The following TMEM71 variants were observed in gnomAD, a reference collection of about 807,000 sequenced individuals.
The protein encoded by TMEM71 is transmembrane protein 71.
TMEM71 carries 44 observed loss-of-function variants against 38.0 expected under a neutral mutation model. The ratio of observed to expected loss-of-function variants is 1.16; its 90% CI spans 0.91 to 1.49. TMEM71 has a LOEUF of 1.49. Among genes scored for constraint, TMEM71 ranks in the 40% most tolerant of loss-of-function variants. The pLI is 0.00. For synonymous variants in TMEM71, 133 were observed against 122.5 expected (o/e 1.09, Z -0.56); for missense variants, 367 against 348.6 (o/e 1.05, Z -0.42).
At chr8:132,729,247 C>A (rs974068972) in intron 5 of TMEM71, among the ~76,000 whole-genome samples, 5 of 152,184 alleles carry the variant, frequency 3.3e-5, no homozygotes, top group Non-Finnish European at 7.3e-5. Context: ...TAAGCCAAAG[C>A]TTCCTTGGAA....
At chr8:132,716,773 C>CCTCT (rs906219643) in intron 7 of TMEM71, among the ~76,000 whole-genome samples, 25 of 151,734 alleles carry the variant, frequency 1.6e-4, no homozygotes, top group African/African-American at 5.8e-4. Context: ...TATAAATTAT[C>CCTCT]CTCTCTCTCT....
chr8:132,772,385 G>A, the TMEM71 span, among the ~76,000 whole-genome samples: 1 of 152,170 alleles, frequency 6.6e-6, no homozygotes, highest in Non-Finnish European at 1.5e-5. Context: ...ACTGATGGCT[G>A]GGCATCAACC....
chr8:132,751,674 T>G (rs1828716256), intron 4 of TMEM71, 111 bp downstream of exon 4: 1 of 1,030,468 alleles, frequency 9.7e-7, no homozygotes, highest in African/African-American at 1.6e-5. Flanking sequence ...TTCCACAGTC[T>G]GGAGCAATAA....
chr8:132,706,310 A>C (rs934403051), downstream of TMEM71, among the ~76,000 whole-genome samples: 3 of 152,012 alleles, frequency 2.0e-5, no homozygotes, highest in African/African-American at 7.2e-5. Context: ...CCATGGTCTT[A>C]CCCTTCTTGT....
At chr8:132,733,327 A>G (rs2739015) in intron 5 of TMEM71, among the ~76,000 whole-genome samples, 141,131 of 152,268 alleles carry the variant, frequency 0.93, 65,521 homozygotes, top group East Asian at 1. Flanking sequence ...AGGCTAAGAT[A>G]TGTAGTGTTG....
At chr8:132,746,827 A>T in intron 5 of TMEM71, 115 bp downstream of exon 5, 1 of 789,110 alleles carries the variant, frequency 1.3e-6, no homozygotes, top group Non-Finnish European at 1.9e-6. Context: ...AATGTGGCCC[A>T]TCTCTCCATC....
intron 5 of TMEM71, among the ~76,000 whole-genome samples, chr8:132,733,921 A>C (rs567858050): frequency 6.6e-6 from 1 of 152,302 alleles, no homozygotes; most frequent in Non-Finnish European, 1.5e-5. Flanking sequence ...CAAATATTGC[A>C]TGATTCTCCT....
chr8:132,746,444 T>C (rs1185492686), intron 5 of TMEM71, among the ~76,000 whole-genome samples: 7 of 17,002 alleles, frequency 4.1e-4, no homozygotes, highest in African/African-American at 8.6e-4. Context: ...TATATACATA[T>C]ACATATACAT....
chr8:132,719,410 A>T (rs1182151630), intron 7 of TMEM71, among the ~76,000 whole-genome samples: 1 of 152,222 alleles, frequency 6.6e-6, no homozygotes, highest in African/African-American at 2.4e-5. Flanking sequence ...TATTGTGTAA[A>T]GTTACCTTTA....
At chr8:132,717,197 C>G (rs932231317) in intron 7 of TMEM71, among the ~76,000 whole-genome samples, 1 of 151,976 alleles carries the variant, frequency 6.6e-6, no homozygotes, top group Non-Finnish European at 1.5e-5. Flanking sequence ...GAATGTGACA[C>G]CAAAAGCACA....
upstream of TMEM71, among the ~76,000 whole-genome samples, chr8:132,762,809 G>A (rs1829320026): frequency 6.6e-6 from 1 of 152,178 alleles, no homozygotes; most frequent in African/African-American, 2.4e-5. Context: ...ACGTGTGTCA[G>A]CATTTTCTAC....
At chr8:132,733,164 T>C (rs1040746270) in intron 5 of TMEM71, among the ~76,000 whole-genome samples, 23 of 152,196 alleles carry the variant, frequency 1.5e-4, no homozygotes, top group Admixed American at 1.3e-3. Flanking sequence ...GTGTGTGTGT[T>C]TTTTTGTTGT....
At chr8:132,715,657 T>A (rs2131008684) in intron 7 of TMEM71, among the ~76,000 whole-genome samples, 1 of 152,206 alleles carries the variant, frequency 6.6e-6, no homozygotes, top group South Asian at 2.1e-4. Flanking sequence ...TTATTCAAAG[T>A]GGTCAAAAAC....
chr8:132,715,177 C>G (rs894441660), intron 7 of TMEM71, among the ~76,000 whole-genome samples: 2 of 151,628 alleles, frequency 1.3e-5, no homozygotes, highest in Non-Finnish European at 2.9e-5. Flanking sequence ...GAGGCCGAGG[C>G]GGGCGGATCA....
At chr8:132,713,276 G>T (rs1005701311) in intron 9 of TMEM71, among the ~76,000 whole-genome samples, 95 of 151,636 alleles carry the variant, frequency 6.3e-4, no homozygotes, top group Admixed American at 6.0e-3. Context: ...CAGAAATTAT[G>T]GGAAGCATCA....
the TMEM71 span, among the ~76,000 whole-genome samples, chr8:132,766,276 C>A: frequency 6.6e-6 from 1 of 151,868 alleles, no homozygotes; most frequent in Non-Finnish European, 1.5e-5. Flanking sequence ...AATTTCTACC[C>A]ATATTTCCTT....
intron 5 of TMEM71, among the ~76,000 whole-genome samples, chr8:132,733,170 G>A (rs184205574): frequency 6.6e-6 from 1 of 151,914 alleles, no homozygotes; most frequent in Non-Finnish European, 1.5e-5. Flanking sequence ...GTGTTTTTTT[G>A]TTGTTGTTGT....
intron 5 of TMEM71, among the ~76,000 whole-genome samples, chr8:132,740,792 G>T (rs1827992509): frequency 6.6e-6 from 1 of 152,124 alleles, no homozygotes. Context: ...CCTTTTTCTT[G>T]GTTTAACAGT....
At chr8:132,713,761 A>G (rs1260645466) in intron 9 of TMEM71, among the ~76,000 whole-genome samples, 1 of 152,240 alleles carries the variant, frequency 6.6e-6, no homozygotes, top group South Asian at 2.1e-4. Context: ...TTTAAATGAC[A>G]TCGCCTTTCA....
Sources: allele counts gnomAD v4.1 joint callset (sites outside exome capture counted in the v4.1 genomes callset), GRCh38; gene constraint gnomAD v4.1.1; transcripts MANE v1.5; gene names NCBI Gene and HGNC (gene_info 2026-07-23, HGNC 2026-07-21).